DLGAP1: variants seen among roughly 807,000 people sequenced by gnomAD.
The protein encoded by DLGAP1 is disks large-associated protein 1.
Under a neutral mutation model 90.8 loss-of-function variants are expected in DLGAP1, and 11 were observed. The ratio of observed to expected loss-of-function variants is 0.12; its 90% CI spans 0.08 to 0.20. The LOEUF (loss-of-function observed/expected upper bound fraction) is 0.20, where lower values mean the gene tolerates loss of function less well. DLGAP1 is among the 10% of genes least tolerant of loss of function. The pLI, the probability that DLGAP1 is intolerant of heterozygous loss-of-function variation, is 1.00. For missense variants in DLGAP1, 1,050 were observed against 1,333.8 expected (o/e 0.79, Z 3.31); for synonymous variants, 558 against 540.7 (o/e 1.03, Z -0.44).
chr18:3,639,975 C>T (rs959437276), intron 7 of DLGAP1, among the ~76,000 whole-genome samples: 4 of 151,396 alleles, frequency 2.6e-5, no homozygotes, highest in Non-Finnish European at 5.9e-5. Flanking sequence ...AGGATGGTCT[C>T]GATCTCCTGA....
chr18:3,720,182 A>AACTT lies in DLGAP1; in HGVS notation c.1591+8949_1591+8952dup, dbSNP rs544660002. Among the ~76,000 whole-genome samples the AACTT allele has an allele frequency of 1.5e-3, 227 of 152,346 alleles. 8 individuals are homozygous for AACTT. In the South Asian group the frequency reaches 0.046, roughly 31 times the overall value. On this transcript the variant is annotated intron_variant, in intron 7 of 12. Transcript: ENST00000315677. ...TGACAGTTTGTCATATATTAGAGAT[A>AACTT]ACTTAGACTAGTTATCTTCTTCCAT... is the stretch of plus-strand genomic sequence containing the variant.
intron 3 of DLGAP1, among the ~76,000 whole-genome samples, chr18:3,926,577 TATACACATATATAGATAG>T (rs2148921134): frequency 6.6e-6 from 1 of 152,096 alleles, no homozygotes; most frequent in South Asian, 2.1e-4. Flanking sequence ...TGTATATATA[TATACACATATATAGATAG>T]ATACATGCAG....
rs1027499571 is a variant in DLGAP1, at chr18:3,893,375, G to C, written c.-72-13235C>G. ...GTGGATCACCTGAGGTCAGGAGTTCGAGACCAGCCTGGCCAACATGGTGAA... is the reference window on the plus strand; with the variant it reads ...GTGGATCACCTGAGGTCAGGAGTTCCAGACCAGCCTGGCCAACATGGTGAA... On this transcript the variant is annotated intron_variant, in intron 3 of 12. Coordinates refer to ENST00000315677, the MANE Select transcript of DLGAP1 (RefSeq NM_004746.4). 5.3e-5 allele frequency among the ~76,000 whole-genome samples: 8 copies of C among 151,938 alleles called. No individual in the cohort carries two copies. In the East Asian group the frequency reaches 1.5e-3, roughly 29 times the overall value.
chr18:3,603,025 G>A (rs1256196522), intron 7 of DLGAP1: 1 of 152,202 alleles, frequency 6.6e-6, no homozygotes, highest in Non-Finnish European at 1.5e-5. Context: ...CAGAGCTAAG[G>A]TGTAGGAATG....
intron 7 of DLGAP1, chr18:3,594,097 A>C (rs983239262): frequency 3.3e-5 from 5 of 152,158 alleles, no homozygotes; most frequent in Non-Finnish European, 7.3e-5. Flanking sequence ...CAGCCAAACA[A>C]TGCGCAGGCA....
At chr18:4,090,467 T>C (rs1348209563) in intron 2 of DLGAP1, among the ~76,000 whole-genome samples, 1 of 152,198 alleles carries the variant, frequency 6.6e-6, no homozygotes, top group Non-Finnish European at 1.5e-5. Context: ...AGAAGACATT[T>C]ACGTAGCTAA....
chr18:3,728,873 T>C (rs1439012028), intron 7 of DLGAP1, among the ~76,000 whole-genome samples: 1 of 152,186 alleles, frequency 6.6e-6, no homozygotes, highest in Non-Finnish European at 1.5e-5. Context: ...CCCTCCCCTC[T>C]GGGCTGTGCT....
intron 3 of DLGAP1, among the ~76,000 whole-genome samples, chr18:3,996,759 T>C (rs527787244): frequency 6.6e-6 from 1 of 152,152 alleles, no homozygotes; most frequent in Admixed American, 6.5e-5. Context: ...TTATTAAAGA[T>C]TGAAAAATTG....
At chr18:3,598,129 T>C (rs1271954747) in intron 7 of DLGAP1, 1 of 152,146 alleles carries the variant, frequency 6.6e-6, no homozygotes. Context: ...GGTGGGTGGA[T>C]CACAAGGTCA....
chr18:3,888,527 T>C (rs1241589179), intron 3 of DLGAP1, among the ~76,000 whole-genome samples: 1 of 152,038 alleles, frequency 6.6e-6, no homozygotes, highest in African/African-American at 2.4e-5. Flanking sequence ...TTCGGAGGCA[T>C]TTCCTTTTCA....
rs2051641158 is a variant in DLGAP1, at chr18:3,526,700, T to C, written c.2479+7494A>G. On this transcript the variant is annotated intron_variant, in intron 10 of 12. Coordinates refer to ENST00000315677, the MANE Select transcript of DLGAP1 (RefSeq NM_004746.4). The surrounding 1 kb of genome is among the most constrained non-coding windows in gnomAD (Gnocchi z 4.7). ...GCCATTGAAACCTGAGCCTATGTTC[T>C]TTCCCCACAGTGGTAGACTGCATTC... Among the ~76,000 whole-genome samples, 2 of 152,258 alleles carry C rather than the reference T, an allele frequency of 1.3e-5. No homozygotes were observed. The highest frequency in any genetic ancestry group is 4.8e-5 in the African/African-American group (2 of 41,476).
At chr18:3,521,054 C>T (rs547526442) in intron 10 of DLGAP1, among the ~76,000 whole-genome samples, 1 of 152,272 alleles carries the variant, frequency 6.6e-6, no homozygotes, top group South Asian at 2.1e-4. Context: ...GAGCTCACTT[C>T]TCCACTCACT....
rs572561767 is a variant in DLGAP1, at chr18:3,765,741, G to A, written c.1173-23229C>T. Among the ~76,000 whole-genome samples, 16 of 152,144 alleles carry A rather than the reference G, an allele frequency of 1.1e-4. No homozygotes were observed. The East Asian group carries it at 3.1e-3, about 30-fold the overall frequency. On this transcript the variant is annotated intron_variant, in intron 5 of 12. Transcript: ENST00000315677. ...TCCAGCTACTCAGGAGGCTGAGACA[G>A]GAGAACTGCTTGAACCTGGGAGGCA...
intron 1 of DLGAP1, among the ~76,000 whole-genome samples, chr18:4,257,627 TTTC>T (rs1312795552): frequency 1.3e-5 from 2 of 151,530 alleles, no homozygotes; most frequent in Admixed American, 6.6e-5. Flanking sequence ...TTTCTTTTCC[TTTC>T]TTTTTTTTTT....
chr18:4,011,728 G>A (rs920156644), intron 2 of DLGAP1, among the ~76,000 whole-genome samples: 14 of 152,242 alleles, frequency 9.2e-5, no homozygotes, highest in Middle Eastern at 3.4e-3. Flanking sequence ...GGAGGCTGAG[G>A]TGAGAAGTTC....
chr18:4,128,367 G>A (rs969706652), intron 2 of DLGAP1, among the ~76,000 whole-genome samples: 2 of 152,112 alleles, frequency 1.3e-5, no homozygotes, highest in African/African-American at 4.8e-5. Context: ...TTTTATACAA[G>A]AGACTTGAGC....
intron 1 of DLGAP1, among the ~76,000 whole-genome samples, chr18:4,331,550 C>T (rs925364886): frequency 6.6e-6 from 1 of 151,736 alleles, no homozygotes; most frequent in African/African-American, 2.4e-5. Context: ...CAAGGATGAT[C>T]TTAAATACAT....
chr18:4,089,514 A>AG (rs1258838938), intron 2 of DLGAP1, among the ~76,000 whole-genome samples: 2 of 152,214 alleles, frequency 1.3e-5, no homozygotes, highest in African/African-American at 2.4e-5. Context: ...AGCAAAAAAA[A>AG]CAAAGCTGAA....
intron 2 of DLGAP1, among the ~76,000 whole-genome samples, chr18:4,065,825 A>G (rs2075362864): frequency 6.7e-6 from 1 of 149,478 alleles, no homozygotes; most frequent in Non-Finnish European, 1.5e-5. Flanking sequence ...AAAAAATTAA[A>G]TTCACATGGA....
Sources: gnomAD v4.1 joint callset for allele counts (sites outside exome capture counted in the v4.1 genomes callset) on GRCh38, gnomAD v4.1.1 for gene constraint, Gnocchi (gnomAD v3.1) non-coding constraint, MANE v1.5 for transcripts, NCBI Gene and HGNC (gene_info 2026-07-23, HGNC 2026-07-21) for gene names.